CDC14A: variants seen among roughly 807,000 people sequenced by gnomAD.
CDC14A encodes cell division cycle 14A.
In CDC14A, 53 loss-of-function variants were observed where a neutral mutation model predicts 74.4. The ratio of observed to expected loss-of-function variants is 0.71; its 90% CI spans 0.57 to 0.89. CDC14A has a LOEUF of 0.89. CDC14A is among the 40% of genes least tolerant of loss of function. The probability of loss-of-function intolerance (pLI) is 0.00; values close to 1 mark genes in which losing one functional copy is unlikely to be tolerated. For missense variants in CDC14A, 646 were observed against 713.7 expected (o/e 0.91, Z 1.08); for synonymous variants, 247 against 258.4 (o/e 0.96, Z 0.43).
chr1:100,481,512 T>C (rs1490908752), intron 10 of CDC14A, among the ~76,000 whole-genome samples: 1 of 152,146 alleles, frequency 6.6e-6, no homozygotes, highest in African/African-American at 2.4e-5. Flanking sequence ...TAAAAGCAGA[T>C]GTAAAAAAAG....
intron 2 of CDC14A, among the ~76,000 whole-genome samples, chr1:100,376,800 T>C (rs2100946146): frequency 6.6e-6 from 1 of 152,258 alleles, no homozygotes; most frequent in Non-Finnish European, 1.5e-5. Context: ...AAAATACCAC[T>C]GGATTTAAGA....
chr1:100,362,239 G>A (rs1652853790), intron 2 of CDC14A, among the ~76,000 whole-genome samples: 1 of 152,152 alleles, frequency 6.6e-6, no homozygotes, highest in South Asian at 2.1e-4. Flanking sequence ...CTGATCTCAA[G>A]TTCCTTTCTG....
At chr1:100,443,898 T>C (rs1665240619) in intron 7 of CDC14A, among the ~76,000 whole-genome samples, 1 of 152,122 alleles carries the variant, frequency 6.6e-6, no homozygotes, top group Non-Finnish European at 1.5e-5. Flanking sequence ...TGTGAGTAGG[T>C]TCAACATTCT....
At position 100,512,591 on chromosome 1, in the gene CDC14A, G is replaced by T. The variant is rs182486817; in HGVS notation, c.1756-5660G>T. Reference sequence around the variant, plus strand: ...GTAATGGTTGGCTGAGTCAAGCTGGGTGTCAACAATCTGTCATCTAACAAT... The same window carrying T: ...GTAATGGTTGGCTGAGTCAAGCTGGTTGTCAACAATCTGTCATCTAACAAT... On this transcript the variant is annotated intron_variant, in intron 15 of 15. Transcript: ENST00000336454. 5.9e-5 allele frequency among the ~76,000 whole-genome samples: 9 copies of T among 152,290 alleles called. No individual in the cohort carries two copies. In the East Asian group the frequency reaches 1.7e-3, roughly 29 times the overall value.
At chr1:100,467,093 G>T (rs7533028) in intron 9 of CDC14A, among the ~76,000 whole-genome samples, 8,897 of 150,052 alleles carry the variant, frequency 0.059, 886 homozygotes, top group African/African-American at 0.21. Flanking sequence ...ATGTAAAAAA[G>T]GTTGAGGAAC....
chr1:100,499,899 G>C (rs562985648), intron 15 of CDC14A, among the ~76,000 whole-genome samples: 6 of 152,240 alleles, frequency 3.9e-5, no homozygotes, highest in Non-Finnish European at 2.9e-5. Flanking sequence ...AGCAAGCAGA[G>C]TATCAGGAAG....
At chr1:100,470,345 T>G (rs1056895108) in intron 10 of CDC14A, among the ~76,000 whole-genome samples, 3 of 152,012 alleles carry the variant, frequency 2.0e-5, no homozygotes, top group African/African-American at 7.2e-5. Context: ...TAAAATTATA[T>G]TTAATGGTGA....
intron 4 of CDC14A, among the ~76,000 whole-genome samples, chr1:100,420,245 T>A (rs1364368080): frequency 6.7e-6 from 1 of 148,424 alleles, no homozygotes; most frequent in East Asian, 2.0e-4. Flanking sequence ...ACCCAGAGTC[T>A]GGTTGAGACT....
At chr1:100,499,595 A>C in intron 15 of CDC14A, 1 of 607,824 alleles carries the variant, frequency 1.6e-6, no homozygotes, top group East Asian at 3.1e-5. Flanking sequence ...TTATGTTTCC[A>C]ATCACTCTGA....
At chr1:100,494,374 A>C (rs1647456484) in intron 11 of CDC14A, among the ~76,000 whole-genome samples, 1 of 152,214 alleles carries the variant, frequency 6.6e-6, no homozygotes, top group Non-Finnish European at 1.5e-5. Flanking sequence ...TTAATAACTT[A>C]CTGTATAGAT....
At chr1:100,438,623 T>A (rs1664599214) in intron 5 of CDC14A, among the ~76,000 whole-genome samples, 1 of 152,206 alleles carries the variant, frequency 6.6e-6, no homozygotes, top group South Asian at 2.1e-4. Flanking sequence ...AGATCCCTCC[T>A]TTTGAAATGA....
intron 11 of CDC14A, among the ~76,000 whole-genome samples, chr1:100,486,432 A>G (rs897556998): frequency 1.3e-4 from 20 of 152,200 alleles, no homozygotes; most frequent in African/African-American, 3.4e-4. Context: ...GTCTTAGTCC[A>G]TTTGGGCTGC....
intron 3 of CDC14A, among the ~76,000 whole-genome samples, chr1:100,387,714 A>G (rs1306135276): frequency 6.6e-6 from 1 of 152,226 alleles, no homozygotes; most frequent in Non-Finnish European, 1.5e-5. Context: ...AATAATATTT[A>G]TAGCTATACA....
chr1:100,422,974 G>T (rs1011277365), intron 4 of CDC14A, among the ~76,000 whole-genome samples: 2 of 152,116 alleles, frequency 1.3e-5, no homozygotes, highest in Non-Finnish European at 2.9e-5. Flanking sequence ...GAAATGCATA[G>T]GGTTTTGATG....
chr1:100,445,394 A>G (rs1665423793), intron 7 of CDC14A, among the ~76,000 whole-genome samples: 3 of 152,186 alleles, frequency 2.0e-5, no homozygotes, highest in Admixed American at 2.0e-4. Flanking sequence ...GGACCCTCAA[A>G]TTAGGTGAGT....
At chr1:100,418,014 A>T (rs1387017546) in intron 4 of CDC14A, among the ~76,000 whole-genome samples, 1 of 152,184 alleles carries the variant, frequency 6.6e-6, no homozygotes, top group Non-Finnish European at 1.5e-5. Context: ...GGATGTGCTT[A>T]TGAGTTTCTA....
intron 8 of CDC14A, among the ~76,000 whole-genome samples, chr1:100,461,186 T>C (rs1667279236): frequency 6.6e-6 from 1 of 152,238 alleles, no homozygotes; most frequent in Non-Finnish European, 1.5e-5. Flanking sequence ...GCTGAAGTGA[T>C]GCTGCCAGGA....
intron 10 of CDC14A, among the ~76,000 whole-genome samples, chr1:100,471,688 C>A (rs1017267774): frequency 6.6e-6 from 1 of 151,956 alleles, no homozygotes; most frequent in Non-Finnish European, 1.5e-5. Flanking sequence ...GAAACAAATT[C>A]AAAAATATAC....
chr1:100,446,161 G>A (rs994237912), intron 7 of CDC14A, among the ~76,000 whole-genome samples: 2 of 152,108 alleles, frequency 1.3e-5, no homozygotes, highest in African/African-American at 4.8e-5. Flanking sequence ...AAATTTTATT[G>A]TTGACAGCAA....
Sources: allele counts gnomAD v4.1 joint callset (sites outside exome capture counted in the v4.1 genomes callset), GRCh38; gene constraint gnomAD v4.1.1; transcripts MANE v1.5; gene names NCBI Gene and HGNC (gene_info 2026-07-23, HGNC 2026-07-21).